The following CACNA1C variants were observed in gnomAD, a reference collection of about 807,000 sequenced individuals.
CACNA1C encodes the protein voltage-dependent L-type calcium channel subunit alpha-1C.
In CACNA1C, 30 loss-of-function variants were observed where a neutral mutation model predicts 229.0. The observed-to-expected ratio is 0.13, with a 90% CI of 0.10 to 0.18. CACNA1C has a LOEUF of 0.18. Ranked by LOEUF, CACNA1C falls within the 10% of genes least tolerant of loss-of-function variation. CACNA1C has a pLI of 1.00. For missense variants in CACNA1C, 1,658 were observed against 2,845.0 expected (o/e 0.58, Z 9.49); for synonymous variants, 1,114 against 1,132.5 (o/e 0.98, Z 0.33).
intron 3 of CACNA1C, among the ~76,000 whole-genome samples, chr12:2,331,801 A>T (rs973078538): frequency 6.7e-5 from 10 of 149,182 alleles, no homozygotes; most frequent in Non-Finnish European, 1.0e-4. Flanking sequence ...ATTGAGGGAC[A>T]TGCTACAAAT....
intron 3 of CACNA1C, among the ~76,000 whole-genome samples, chr12:2,323,689 G>A (rs1017145799): frequency 1.3e-5 from 2 of 152,202 alleles, no homozygotes; most frequent in Non-Finnish European, 2.9e-5. Context: ...TATCTTCTGC[G>A]AGCTCATGCT....
At chr12:2,426,750 G>A (rs1052768940) in intron 3 of CACNA1C, among the ~76,000 whole-genome samples, 1 of 152,232 alleles carries the variant, frequency 6.6e-6, no homozygotes, top group African/African-American at 2.4e-5. Flanking sequence ...TGGTTTGCTA[G>A]AGATAGGCAG....
chr12:2,519,665 T>C (rs1490662757), intron 9 of CACNA1C, among the ~76,000 whole-genome samples: 1 of 152,148 alleles, frequency 6.6e-6, no homozygotes, highest in Non-Finnish European at 1.5e-5. Flanking sequence ...CTGAAGACCA[T>C]GGTGGCTAGT....
At chr12:2,455,259 A>G (rs2099410400) in intron 4 of CACNA1C, among the ~76,000 whole-genome samples, 1 of 152,248 alleles carries the variant, frequency 6.6e-6, no homozygotes, top group Admixed American at 6.5e-5. Flanking sequence ...CATTTAGAGC[A>G]AAATTTCCCA....
chr12:2,581,521 GT>G, intron 13 of CACNA1C, 68 bp from the exon 14 acceptor site: 1 of 1,399,108 alleles, frequency 7.1e-7, no homozygotes, highest in South Asian at 1.4e-5. Flanking sequence ...GTGGGCAGTT[GT>G]GAGAATGAGG....
At chr12:2,324,835 A>G (rs2096215775) in intron 3 of CACNA1C, among the ~76,000 whole-genome samples, 1 of 152,004 alleles carries the variant, frequency 6.6e-6, no homozygotes, top group Admixed American at 6.5e-5. Context: ...CTTGCTCTCC[A>G]TGTGATGAAC....
At chr12:2,420,992 T>C (rs1034766858) in intron 3 of CACNA1C, among the ~76,000 whole-genome samples, 5 of 152,210 alleles carry the variant, frequency 3.3e-5, no homozygotes, top group Non-Finnish European at 7.3e-5. Flanking sequence ...GTGAATTAAA[T>C]TTTAAAATGG....
rs750078053 is a variant in CACNA1C at position 2,679,696 on chromosome 12, G to A, written c.5344G>A (p.Ala1782Thr). The A allele has an allele frequency of 1.1e-5, 17 of 1,611,462 alleles. No homozygotes were observed. In the East Asian group the frequency reaches 1.3e-4, roughly 13 times the overall value. ...CGCCCTGGGTCGCCTCCCTCGCCCC[G>A]CCGGCTACCCCAGCACGGTCAGCAC... ...NTALGRLPRP[A>T]GYPSTVSTVE... Residue 1782 changes from alanine to threonine, a missense_variant, in exon 42 of 47, where the codon GCC becomes ACC. This residue lies in a region of CACNA1C where 590 missense variants were observed against 700.8 expected (regional missense o/e 0.84). Coordinates refer to ENST00000399655, the MANE Select transcript of CACNA1C (RefSeq NM_000719.7). The surrounding 1 kb of genome is among the most constrained non-coding windows in gnomAD (Gnocchi z 5.5).
intron 37 of CACNA1C, 27 bp from the exon 38 acceptor site, chr12:2,668,906 A>C (rs1429578889): frequency 6.5e-7 from 1 of 1,540,700 alleles, no homozygotes; most frequent in Non-Finnish European, 9.0e-7. Flanking sequence ...TGCCATCATC[A>C]CCAGCTTTGC....
At chr12:2,290,723 C>T (rs1411679976) in intron 3 of CACNA1C, among the ~76,000 whole-genome samples, 1 of 152,118 alleles carries the variant, frequency 6.6e-6, no homozygotes, top group East Asian at 1.9e-4. Context: ...AGGGCTGCTC[C>T]ACTCTGTGTC....
At position 2,582,929 on chromosome 12, in the gene CACNA1C, C is replaced by T; in HGVS notation, c.2211C>T (p.Phe737=). 1 of 1,575,090 alleles carries T rather than the reference C, an allele frequency of 6.3e-7. No individual in the cohort carries two copies. Among genetic ancestry groups the T allele is most frequent in the Non-Finnish European group, 8.6e-7 (1 of 1,159,102 alleles). The change falls in exon 15 of 47, where the codon TTC becomes TTT. Residue 737 remains phenylalanine, a synonymous_variant. Coordinates refer to ENST00000399655, the MANE Select transcript of CACNA1C (RefSeq NM_000719.7). The part of the protein sequence containing the change: ...MLVCIYFIIL[F]ICGNYILLNV... Reference sequence around the variant, plus strand: ...TCTGTATTTACTTCATCATCCTCTTCATCTGTGGAAACTGTATCCTTTGCT... The same window carrying T: ...TCTGTATTTACTTCATCATCCTCTTTATCTGTGGAAACTGTATCCTTTGCT...
At chr12:2,419,253 G>T (rs1343375726) in intron 3 of CACNA1C, among the ~76,000 whole-genome samples, 1 of 152,196 alleles carries the variant, frequency 6.6e-6, no homozygotes, top group Non-Finnish European at 1.5e-5. Context: ...GCCTCAGGAA[G>T]CTTCCAATCA....
intron 3 of CACNA1C, among the ~76,000 whole-genome samples, chr12:2,430,347 G>A (rs1441659220): frequency 6.6e-6 from 1 of 152,178 alleles, no homozygotes; most frequent in Non-Finnish European, 1.5e-5. Context: ...GAACTGGCAG[G>A]ACAGGTGTTC....
intron 9 of CACNA1C, among the ~76,000 whole-genome samples, chr12:2,543,842 A>G (rs2099876477): frequency 6.6e-6 from 1 of 152,216 alleles, no homozygotes; most frequent in Non-Finnish European, 1.5e-5. Flanking sequence ...ATTGGACAAC[A>G]TAGGACACTT....
intron 1 of CACNA1C, among the ~76,000 whole-genome samples, chr12:2,046,671 T>C (rs1302902169): frequency 5.9e-5 from 9 of 152,206 alleles, no homozygotes; most frequent in Non-Finnish European, 1.2e-4. Context: ...CCACACCTTG[T>C]TATCCTAACA....
intron 3 of CACNA1C, among the ~76,000 whole-genome samples, chr12:2,159,042 A>G (rs888727138): frequency 2.6e-4 from 39 of 152,232 alleles, no homozygotes; most frequent in African/African-American, 9.4e-4. Flanking sequence ...AAGGGGCTAC[A>G]TAAGCATATT....
Position 2,053,628 on chromosome 12 carries a change from C to T in CACNA1C, c.49+17C>T, listed in dbSNP as rs1178735020. 4 of 1,577,546 alleles carry T rather than the reference C, an allele frequency of 2.5e-6. No homozygotes were observed. The highest frequency in any genetic ancestry group is 1.7e-6 in the Non-Finnish European group (2 of 1,162,632). ...ACCACCAAGGTAAGGCTGGACCCCG[C>T]CGCCTCGCCGGGGCTCCCTGCCTTT... On this transcript the variant is annotated intron_variant, in intron 1 of 46. Transcript: ENST00000399655. The surrounding 1 kb of genome is among the most constrained non-coding windows in gnomAD (Gnocchi z 5.8).
intron 3 of CACNA1C, among the ~76,000 whole-genome samples, chr12:2,316,689 C>G (rs2095707784): frequency 6.6e-6 from 1 of 152,148 alleles, no homozygotes; most frequent in Non-Finnish European, 1.5e-5. Context: ...TTGTTGATGC[C>G]CAAACACCAT....
rs73605778 is a variant in CACNA1C, at chr12:2,345,111, A to T, written c.478-103865A>T. Among the ~76,000 whole-genome samples, 209 of 150,858 alleles carry T rather than the reference A, an allele frequency of 1.4e-3. 1 individual carries two copies. Among genetic ancestry groups the T allele is most frequent in the African/African-American group, 4.9e-3 (201 of 40,882 alleles). ...GATCTAGAGAGGAACTGCATGCTCA[A>T]TCAGAACCAGCAGGAAGCTGAGCAG... On this transcript the variant is annotated intron_variant, in intron 3 of 46. Transcript: ENST00000399655.
Sources: gnomAD v4.1 joint callset for allele counts (sites outside exome capture counted in the v4.1 genomes callset) on GRCh38, gnomAD v4.1.1 for gene constraint, gnomAD v4.1.1 regional missense constraint, Gnocchi (gnomAD v3.1) non-coding constraint, MANE v1.5 for transcripts, NCBI Gene and HGNC (gene_info 2026-07-23, HGNC 2026-07-21) for gene names.